Variants in DPYSL2 observed in about 807,000 individuals in gnomAD.
DPYSL2 encodes the protein dihydropyrimidinase like 2.
Under a neutral mutation model 69.9 loss-of-function variants are expected in DPYSL2, and 13 were observed. The ratio of observed to expected loss-of-function variants is 0.19; its 90% CI spans 0.12 to 0.30. The LOEUF (loss-of-function observed/expected upper bound fraction) is 0.30, where lower values mean the gene tolerates loss of function less well. Among genes scored for constraint, DPYSL2 ranks in the 10% least tolerant of loss-of-function variants. The pLI is 1.00. For missense variants in DPYSL2, 587 were observed against 918.9 expected (o/e 0.64, Z 4.67); for synonymous variants, 326 against 359.1 (o/e 0.91, Z 1.04).
At chr8:26,519,289 C>T (rs2117597313) in intron 1 of DPYSL2, among the ~76,000 whole-genome samples, 1 of 152,310 alleles carries the variant, frequency 6.6e-6, no homozygotes, top group East Asian at 1.9e-4. Flanking sequence ...AATGTCAGAG[C>T]TTGCAAGAGA....
At chr8:26,518,443 T>C (rs1308135930) in intron 1 of DPYSL2, among the ~76,000 whole-genome samples, 2 of 152,224 alleles carry the variant, frequency 1.3e-5, no homozygotes, top group Non-Finnish European at 1.5e-5. Context: ...TATAATTAGT[T>C]AAATTAAAAT....
At chr8:26,570,195 A>T (rs934924370) in intron 1 of DPYSL2, among the ~76,000 whole-genome samples, 2 of 151,832 alleles carry the variant, frequency 1.3e-5, no homozygotes, top group Admixed American at 1.3e-4. Context: ...AGCATTTATC[A>T]TTCATTTAAA....
rs1801618118 is a variant in DPYSL2 at position 26,586,874 on chromosome 8, G to T, written c.628+2891G>T. 6.6e-6 allele frequency among the ~76,000 whole-genome samples: 1 copy of T among 152,222 alleles called. No individual in the cohort carries two copies. Among genetic ancestry groups the T allele is most frequent in the South Asian group, 2.1e-4 (1 of 4,830 alleles). On this transcript the variant is annotated intron_variant, in intron 3 of 13. Transcript: ENST00000521913. The surrounding 1 kb of genome is among the most constrained non-coding windows in gnomAD (Gnocchi z 4.7). Reference sequence around the variant, plus strand: ...GGCTATAGAGTGGGGCATCCAATGAGCGAACCTCAAGGAATAAAAGTCATC... The same window carrying T: ...GGCTATAGAGTGGGGCATCCAATGATCGAACCTCAAGGAATAAAAGTCATC...
chr8:26,607,182 T>C (rs558880682), intron 3 of DPYSL2, among the ~76,000 whole-genome samples: 1 of 152,240 alleles, frequency 6.6e-6, no homozygotes, highest in South Asian at 2.1e-4. Context: ...TAGTAGTATA[T>C]AGTCATTAAA....
Position 26,626,811 on chromosome 8 carries a change from G to C in DPYSL2, c.855+133G>C. 2 of 901,874 alleles carry C rather than the reference G, an allele frequency of 2.2e-6. No individual in the cohort carries two copies. Among genetic ancestry groups the C allele is most frequent in the Non-Finnish European group, 3.5e-6 (2 of 577,518 alleles). The allele number at this position is 901,874 out of a possible 1,614,324, so 55.9% of individuals were successfully genotyped here. A position where few individuals can be genotyped will look rare whatever the true frequency, so the allele number is the denominator to read the frequency against. ...GAAGTGGCTGGTGGATGCAGTTACT[G>C]ATGTAACTGAGCCTTGGAAGAGAGT... is the stretch of plus-strand genomic sequence containing the variant. On this transcript the variant is annotated intron_variant, in intron 5 of 13. Coordinates refer to ENST00000521913, the MANE Select transcript of DPYSL2 (RefSeq NM_001197293.3). The surrounding 1 kb of genome is among the most constrained non-coding windows in gnomAD (Gnocchi z 4.3).
chr8:26,627,865 A>G lies in DPYSL2; in HGVS notation c.937-7A>G. On this transcript the variant is annotated splice_polypyrimidine_tract_variant and splice_region_variant and intron_variant, in intron 6 of 13. Coordinates refer to ENST00000521913, the MANE Select transcript of DPYSL2 (RefSeq NM_001197293.3). This position sits in a 1 kb window ranked among gnomAD's most constrained non-coding sequence, Gnocchi z 6.9. Reference sequence around the variant, plus strand: ...CCTCACAGCCTGACTTTCTCTAAACATTGCAGGAGCAGCAGAGGATCCTGG... The same window carrying G: ...CCTCACAGCCTGACTTTCTCTAAACGTTGCAGGAGCAGCAGAGGATCCTGG... 6.2e-7 allele frequency: 1 copy of G among 1,613,476 alleles called. No homozygotes were observed. The highest frequency in any genetic ancestry group is 8.5e-7 in the Non-Finnish European group (1 of 1,179,920).
chr8:26,573,836 CAAAAAAA>C (rs145546482), intron 1 of DPYSL2, among the ~76,000 whole-genome samples: 2 of 82,434 alleles, frequency 2.4e-5, no homozygotes, highest in African/African-American at 9.6e-5. Flanking sequence ...GACTCCACCT[CAAAAAAA>C]AAAAAAAAAA....
chr8:26,627,837 C>G lies in DPYSL2; in HGVS notation c.937-35C>G. On this transcript the variant is annotated intron_variant, in intron 6 of 13. Transcript: ENST00000521913. This position sits in a 1 kb window ranked among gnomAD's most constrained non-coding sequence, Gnocchi z 6.9. ...CCATCAGAGCTGTGCAAAATCCACT[C>G]TCCCTCACAGCCTGACTTTCTCTAA... The G allele has an allele frequency of 1.2e-6, 2 of 1,608,386 alleles. No individual in the cohort carries two copies. The highest frequency in any genetic ancestry group is 1.7e-6 in the Non-Finnish European group (2 of 1,177,262).
At position 26,586,281 on chromosome 8, in the gene DPYSL2, G is replaced by A. The variant is rs1002562945; in HGVS notation, c.628+2298G>A. On this transcript the variant is annotated intron_variant, in intron 3 of 13. Transcript: ENST00000521913. The surrounding 1 kb of genome is among the most constrained non-coding windows in gnomAD (Gnocchi z 4.7). ...TGTTCTAGCTGTGTGTCTCCAGTGA[G>A]GGATTTGTGCTACATGACCCTGGAA... 1.3e-5 allele frequency among the ~76,000 whole-genome samples: 2 copies of A among 152,158 alleles called. No individual in the cohort carries two copies. Among genetic ancestry groups the A allele is most frequent in the Non-Finnish European group, 2.9e-5 (2 of 68,040 alleles).
rs1802652754 is a variant in DPYSL2 at position 26,627,747 on chromosome 8, A to C, written c.937-125A>C. Reference sequence around the variant, plus strand: ...CTTCTCTTCATGAGGTCTTGGGATGAGGGCAGAACGATCGGCAGTGGTAAT... The same window carrying C: ...CTTCTCTTCATGAGGTCTTGGGATGCGGGCAGAACGATCGGCAGTGGTAAT... On this transcript the variant is annotated intron_variant, in intron 6 of 13. Transcript: ENST00000521913. This position sits in a 1 kb window ranked among gnomAD's most constrained non-coding sequence, Gnocchi z 6.9. The C allele has an allele frequency of 1.1e-6, 1 of 918,422 alleles. No homozygotes were observed. Among genetic ancestry groups the C allele is most frequent in the African/African-American group, 1.6e-5 (1 of 61,440 alleles). The allele number at this position is 918,422 out of a possible 1,614,324, so 56.9% of individuals were successfully genotyped here.
At chr8:26,584,732 G>T (rs1191402083) in intron 3 of DPYSL2, among the ~76,000 whole-genome samples, 5 of 148,934 alleles carry the variant, frequency 3.4e-5, no homozygotes, top group Non-Finnish European at 3.0e-5. Context: ...TGATTCTCCT[G>T]GCTCAGCCAC....
Position 26,621,466 on chromosome 8 carries a change from A to G in DPYSL2, c.629-2677A>G, listed in dbSNP as rs955259440. On this transcript the variant is annotated intron_variant, in intron 3 of 13. Transcript: ENST00000521913. The surrounding 1 kb of genome is among the most constrained non-coding windows in gnomAD (Gnocchi z 4.9). The stretch of plus-strand genomic sequence containing the variant: ...AGCCCCTCCTTTGCTGCTTGACCTG[A>G]TTGCAAGTGGAATGTGAGAGCCAGA... Among the ~76,000 whole-genome samples, 2 of 152,116 alleles carry G rather than the reference A, an allele frequency of 1.3e-5. No individual in the cohort carries two copies. Among genetic ancestry groups the G allele is most frequent in the Non-Finnish European group, 2.9e-5 (2 of 68,030 alleles).
rs923058718 is a variant in DPYSL2 at position 26,630,923 on chromosome 8, A to G, written c.1005+2983A>G. On this transcript the variant is annotated intron_variant, in intron 7 of 13. Transcript: ENST00000521913. ...TCCTCCCGTTTGGTGACTGGGAGCCAGTCCCTCTGCCTGCCATGTACCAGC... is the reference window on the plus strand; with the variant it reads ...TCCTCCCGTTTGGTGACTGGGAGCCGGTCCCTCTGCCTGCCATGTACCAGC... Among the ~76,000 whole-genome samples, 8 of 152,350 alleles carry G rather than the reference A, an allele frequency of 5.3e-5. No homozygotes were observed. The South Asian group carries it at 1.5e-3, about 28-fold the overall frequency.
intron 1 of DPYSL2, among the ~76,000 whole-genome samples, chr8:26,566,156 G>A (rs1194936979): frequency 6.6e-6 from 1 of 152,172 alleles, no homozygotes; most frequent in African/African-American, 2.4e-5. Context: ...TACACAGAAG[G>A]GCAGGGCTTC....
intron 1 of DPYSL2, among the ~76,000 whole-genome samples, chr8:26,540,568 G>A (rs1248903222): frequency 6.6e-6 from 1 of 152,146 alleles, no homozygotes; most frequent in Non-Finnish European, 1.5e-5. Context: ...CTTAACAATG[G>A]ATGTCCTGAT....
At chr8:26,552,148 G>C (rs530869930) in intron 1 of DPYSL2, among the ~76,000 whole-genome samples, 1 of 152,062 alleles carries the variant, frequency 6.6e-6, no homozygotes, top group Non-Finnish European at 1.5e-5. Context: ...CATGGGCCAA[G>C]GAAGACATCT....
At chr8:26,544,497 T>C (rs976797510) in intron 1 of DPYSL2, among the ~76,000 whole-genome samples, 4 of 152,216 alleles carry the variant, frequency 2.6e-5, no homozygotes, top group Middle Eastern at 3.2e-3. Context: ...ACAGACTAGA[T>C]GTTTCATATA....
intron 1 of DPYSL2, among the ~76,000 whole-genome samples, chr8:26,558,093 A>G (rs1801019131): frequency 6.6e-6 from 1 of 152,102 alleles, no homozygotes; most frequent in Admixed American, 6.5e-5. Flanking sequence ...ACTCCTTGGT[A>G]TTTATTCAAA....
At chr8:26,577,152 G>C (rs1377291562) in intron 1 of DPYSL2, 1 of 447,540 alleles carries the variant, frequency 2.2e-6, no homozygotes, top group South Asian at 1.6e-5. Context: ...GGTTTCCTCA[G>C]GGCTCTCATT....
Sources: gnomAD v4.1 joint callset for allele counts (sites outside exome capture counted in the v4.1 genomes callset) on GRCh38, gnomAD v4.1.1 for gene constraint, Gnocchi (gnomAD v3.1) non-coding constraint, MANE v1.5 for transcripts, NCBI Gene and HGNC (gene_info 2026-07-23, HGNC 2026-07-21) for gene names.